The following DMD variants were observed in gnomAD, a reference collection of about 807,000 sequenced individuals.
The protein encoded by DMD is dystrophin.
Under a neutral mutation model 330.1 loss-of-function variants are expected in DMD, and 63 were observed. That is an observed-to-expected ratio of 0.19 (90% CI 0.16 to 0.24). DMD has a LOEUF of 0.24. DMD is among the 10% of genes least tolerant of loss of function. DMD has a pLI of 1.00. For missense variants in DMD, 3,344 were observed against 2,684.1 expected (o/e 1.25, Z -5.43); for synonymous variants, 1,223 against 959.8 (o/e 1.27, Z -5.07).
At chrX:33,037,509 T>C (rs1300134292) in intron 1 of DMD, among the ~76,000 whole-genome samples, 1 of 111,711 alleles carries the variant, frequency 9.0e-6, no homozygotes, top group African/African-American at 3.3e-5. Context: ...TGGGTTACTA[T>C]CAGTGATAAC....
At chrX:32,848,300 A>G (rs1440506010) in intron 3 of DMD, among the ~76,000 whole-genome samples, 1 of 112,092 alleles carries the variant, frequency 8.9e-6, no homozygotes, top group East Asian at 2.8e-4. Context: ...AACGAGATAC[A>G]CAGACACACT....
chrX:31,462,403 C>T (rs1460971913), intron 59 of DMD, among the ~76,000 whole-genome samples: 2 of 111,553 alleles, frequency 1.8e-5, no homozygotes, highest in Non-Finnish European at 3.8e-5. Context: ...TCACTTGAAC[C>T]TGGGAGGCGG....
chrX:31,232,081 TAAAAAAAA>T (rs776133263), intron 63 of DMD, among the ~76,000 whole-genome samples: 1 of 33,286 alleles, frequency 3.0e-5, no homozygotes, highest in African/African-American at 1.0e-4. Context: ...CAGCACATGT[TAAAAAAAA>T]AAAAAAAAAA....
In DMD at chrX:31,885,622, A is replaced by G. The variant is rs1270058815; in HGVS notation, c.6913-10249T>C. The stretch of plus-strand genomic sequence containing the variant: ...GAGACTCCGTCTCACAAAAAAAAAA[A>G]AAAAAAAAAAAAAAAGAAAAAAAAA... On this transcript the variant is annotated intron_variant, in intron 47 of 78. Coordinates refer to ENST00000357033, the MANE Select transcript of DMD (RefSeq NM_004006.3). Among the ~76,000 whole-genome samples the G allele has an allele frequency of 3.5e-4, 31 of 88,175 alleles. No individual in the cohort carries two copies. The South Asian group carries it at 3.7e-3, about 10-fold the overall frequency. 76.6% of individuals were successfully genotyped at this position (88,175 alleles called of 115,157 possible).
At chrX:33,152,160 C>CTATTATTATTAT in intron 1 of DMD, among the ~76,000 whole-genome samples, 1 of 101,148 alleles carries the variant, frequency 9.9e-6, no homozygotes, top group African/African-American at 3.6e-5. Flanking sequence ...ATTAGCTTTA[C>CTATTATTATTAT]TATTATTATT....
At chrX:33,015,659 TTAAAA>T (rs1357251064) in intron 2 of DMD, among the ~76,000 whole-genome samples, 3 of 110,633 alleles carry the variant, frequency 2.7e-5, no homozygotes, top group Non-Finnish European at 5.7e-5. Context: ...ACCCCTGAAC[TTAAAA>T]TAAAAGTTAA....
chrX:31,897,208 C>T (rs1351311418), intron 47 of DMD, among the ~76,000 whole-genome samples: 8 of 111,123 alleles, frequency 7.2e-5, no homozygotes, highest in Admixed American at 3.8e-4. Context: ...TTACTGAGAA[C>T]GATGATTTCC....
chrX:32,677,407 C>A (rs2062046345), intron 9 of DMD, among the ~76,000 whole-genome samples: 1 of 111,449 alleles, frequency 9.0e-6, no homozygotes, highest in Admixed American at 9.6e-5. Flanking sequence ...ACATTAATTT[C>A]ATTAACAAAA....
intron 1 of DMD, among the ~76,000 whole-genome samples, chrX:33,204,500 C>T (rs2051454529): frequency 9.0e-6 from 1 of 111,218 alleles, no homozygotes; most frequent in African/African-American, 3.3e-5. Flanking sequence ...AGTATTTCCC[C>T]AATTTCGAAG....
intron 41 of DMD, among the ~76,000 whole-genome samples, chrX:32,327,353 G>A (rs2097656515): frequency 9.0e-6 from 1 of 111,007 alleles, no homozygotes. Flanking sequence ...TTTGGGAATC[G>A]AGAGGCCTTT....
chrX:33,264,671 C>T (rs760727641), intron 1 of DMD, among the ~76,000 whole-genome samples: 12 of 107,648 alleles, frequency 1.1e-4, no homozygotes, highest in Admixed American at 4.1e-4. Context: ...TTTTCTCCTT[C>T]GTTATGAATC....
chrX:32,802,213 G>A (rs942349189), intron 7 of DMD, among the ~76,000 whole-genome samples: 6 of 111,456 alleles, frequency 5.4e-5, no homozygotes, highest in Non-Finnish European at 1.1e-4. Context: ...TCTCCTTGAA[G>A]AGGTCCTTCA....
intron 32 of DMD, among the ~76,000 whole-genome samples, chrX:32,386,962 T>C (rs2097962767): frequency 9.0e-6 from 1 of 110,535 alleles, no homozygotes; most frequent in Non-Finnish European, 1.9e-5. Context: ...TCATGGTACT[T>C]ACATATTAGT....
intron 1 of DMD, among the ~76,000 whole-genome samples, chrX:33,301,634 G>A (rs2053663323): frequency 8.9e-6 from 1 of 111,872 alleles, no homozygotes; most frequent in East Asian, 2.8e-4. Context: ...GGTGTCTGGT[G>A]AGGACCCAGT....
intron 1 of DMD, among the ~76,000 whole-genome samples, chrX:33,136,993 T>C (rs2095531542): frequency 9.0e-6 from 1 of 110,649 alleles, no homozygotes; most frequent in South Asian, 3.8e-4. Context: ...ATATATTTTA[T>C]ATATTCAAGT....
chrX:32,913,216 A>G (rs1282237611), intron 2 of DMD, among the ~76,000 whole-genome samples: 1 of 111,572 alleles, frequency 9.0e-6, no homozygotes, highest in East Asian at 2.8e-4. Context: ...AGTTATATAT[A>G]TCGTTGTCAG....
chrX:32,706,124 G>A (rs1267927642), intron 7 of DMD, among the ~76,000 whole-genome samples: 2 of 102,807 alleles, frequency 1.9e-5, no homozygotes, highest in Non-Finnish European at 3.9e-5. Context: ...ACTATCACAA[G>A]GACAAAAAAC....
At chrX:32,488,260 A>G (rs1290391750) in intron 20 of DMD, among the ~76,000 whole-genome samples, 1 of 111,755 alleles carries the variant, frequency 8.9e-6, no homozygotes, top group Admixed American at 9.5e-5. Context: ...CCTCCAGAGT[A>G]TGGTATCTCC....
intron 62 of DMD, among the ~76,000 whole-genome samples, chrX:31,290,575 C>G (rs1300003409): frequency 9.0e-6 from 1 of 111,322 alleles, no homozygotes; most frequent in Non-Finnish European, 1.9e-5. Context: ...TCCCTACCTG[C>G]CTAGTATGGC....
Sources: allele counts gnomAD v4.1 joint callset (sites outside exome capture counted in the v4.1 genomes callset), GRCh38; gene constraint gnomAD v4.1.1; transcripts MANE v1.5; gene names NCBI Gene and HGNC (gene_info 2026-07-23, HGNC 2026-07-21).